The following RSPO4 variants were observed in gnomAD, a reference collection of about 807,000 sequenced individuals.
The protein encoded by RSPO4 is R-spondin 4, also known as R-spondin-4.
A neutral mutation model predicts 24.8 loss-of-function variants in RSPO4; 23 were observed. That is an observed-to-expected ratio of 0.93 (90% CI 0.67 to 1.31). RSPO4 has a LOEUF of 1.31. Among genes scored for constraint, RSPO4 ranks in the 40% most tolerant of loss-of-function variants. The pLI is 0.00. For synonymous variants in RSPO4, 141 were observed against 127.4 expected (o/e 1.11, Z -0.72); for missense variants, 333 against 316.5 (o/e 1.05, Z -0.39).
chr20:961,932 C>A (rs1009066783), intron 4 of RSPO4, among the ~76,000 whole-genome samples: 2 of 151,984 alleles, frequency 1.3e-5, no homozygotes, highest in African/African-American at 4.8e-5. Context: ...ACCTACCCAC[C>A]CACCTAATCA....
chr20:1,000,083 GGTCTC>G (rs1272681213), intron 1 of RSPO4, among the ~76,000 whole-genome samples: 1 of 151,984 alleles, frequency 6.6e-6, no homozygotes, highest in East Asian at 1.9e-4. Flanking sequence ...TAGCCAGGCT[GGTCTC>G]AAACTCCTGA....
chr20:1,001,953 T>A, intron 1 of RSPO4, 133 bp downstream of exon 1: 1 of 705,422 alleles, frequency 1.4e-6, no homozygotes, highest in Non-Finnish European at 2.4e-6. Flanking sequence ...AGGTTGAGAC[T>A]CGTCTGGAGG....
At chr20:994,690 G>C (rs1269490172) in intron 1 of RSPO4, among the ~76,000 whole-genome samples, 1 of 152,122 alleles carries the variant, frequency 6.6e-6, no homozygotes, top group Non-Finnish European at 1.5e-5. Context: ...CTGAGTAGTT[G>C]GTAGTTGGGA....
chr20:988,286 C>T (rs1383844704), intron 1 of RSPO4, among the ~76,000 whole-genome samples: 2 of 152,062 alleles, frequency 1.3e-5, no homozygotes, highest in African/African-American at 4.8e-5. Context: ...GGTTGCAAGC[C>T]GAGGAGTGTC....
At chr20:973,989 G>A (rs2122227825) in intron 1 of RSPO4, among the ~76,000 whole-genome samples, 2 of 152,248 alleles carry the variant, frequency 1.3e-5, no homozygotes, top group Admixed American at 1.3e-4. Context: ...TAACTCATTA[G>A]AAAAAGCAGT....
chr20:972,341 C>A (rs1203943778), intron 1 of RSPO4, among the ~76,000 whole-genome samples: 1 of 152,234 alleles, frequency 6.6e-6, no homozygotes, highest in Non-Finnish European at 1.5e-5. Context: ...GCTGGGATTA[C>A]AGGCCTGAGC....
intron 3 of RSPO4, among the ~76,000 whole-genome samples, chr20:964,711 T>C (rs549785840): frequency 1.2e-4 from 18 of 149,092 alleles, no homozygotes; most frequent in Middle Eastern, 3.5e-3. Flanking sequence ...CACACACACA[T>C]ATATATATAC....
At position 1,002,167 on chromosome 20, in the gene RSPO4, G is replaced by A; in HGVS notation, c.-3C>T. On this transcript the variant is annotated 5_prime_UTR_variant, in exon 1 of 5. Transcript: ENST00000217260. This position sits in a 1 kb window ranked among gnomAD's most constrained non-coding sequence, Gnocchi z 4.6. ...AGCAGGCAGAGTGGCGCCCGCATCT[G>A]GGCAGCCGGATCCGGGCTGGCGCTC... is the stretch of plus-strand genomic sequence containing the variant. 6.5e-7 allele frequency: 1 copy of A among 1,541,726 alleles called. No individual in the cohort carries two copies. Among genetic ancestry groups the A allele is most frequent in the Non-Finnish European group, 8.7e-7 (1 of 1,144,410 alleles).
At position 970,385 on chromosome 20, in the gene RSPO4, C is replaced by T. The variant is rs1600091276; in HGVS notation, c.80-2247G>A. 6.6e-6 allele frequency among the ~76,000 whole-genome samples: 1 copy of T among 152,280 alleles called. No homozygotes were observed. The highest frequency in any genetic ancestry group is 1.9e-4 in the East Asian group (1 of 5,188). The stretch of plus-strand genomic sequence containing the variant: ...GGCCCCACATCCTGCTGATAACCCT[C>T]TTTCTGTTGCTTATAACTCAGGAGG... On this transcript the variant is annotated intron_variant, in intron 1 of 4. Transcript: ENST00000217260. This position sits in a 1 kb window ranked among gnomAD's most constrained non-coding sequence, Gnocchi z 4.1.
At chr20:964,233 C>T (rs533877437) in intron 3 of RSPO4, 113 bp from the exon 4 acceptor site, 69 of 735,834 alleles carry the variant, frequency 9.4e-5, no homozygotes, top group Admixed American at 2.3e-4. Flanking sequence ...AGACTGAAGA[C>T]ACCACTTCCA....
intron 1 of RSPO4, among the ~76,000 whole-genome samples, chr20:986,210 C>T (rs1349296318): frequency 5.3e-5 from 8 of 152,170 alleles, no homozygotes; most frequent in South Asian, 2.1e-4. Context: ...ACCTGCCACA[C>T]GTGGGAGAAA....
At position 964,200 on chromosome 20, in the gene RSPO4, G is replaced by A. The variant is rs1029200431; in HGVS notation, c.410-80C>T. 5.9e-6 allele frequency: 7 copies of A among 1,177,552 alleles called. No homozygotes were observed. The African/African-American group carries it at 9.1e-5, about 15-fold the overall frequency. The allele number at this position is 1,177,552 out of a possible 1,614,324, so 72.9% of individuals were successfully genotyped here. A position where few individuals can be genotyped will look rare whatever the true frequency, so the allele number is the denominator to read the frequency against. On this transcript the variant is annotated intron_variant, in intron 3 of 4. Transcript: ENST00000217260. ...AGGGTCCTTCAGATCCAAGGGCAGG[G>A]TTTGAGGGGTTCAGTCCTCTGAAGA...
At chr20:971,783 C>A (rs768763690) in intron 1 of RSPO4, among the ~76,000 whole-genome samples, 9 of 152,174 alleles carry the variant, frequency 5.9e-5, no homozygotes, top group Non-Finnish European at 1.0e-4. Flanking sequence ...ATTTTAAATT[C>A]TTGACTGTAG....
chr20:981,119 T>G lies in RSPO4; in HGVS notation c.80-12981A>C, dbSNP rs1984721827. ...GACCAACAATTATAGGTGGTGGCAT[T>G]AGATTTAAACCCACAGCTGATGAAA... On this transcript the variant is annotated intron_variant, in intron 1 of 4. Coordinates refer to ENST00000217260, the MANE Select transcript of RSPO4 (RefSeq NM_001029871.4). The surrounding 1 kb of genome is among the most constrained non-coding windows in gnomAD (Gnocchi z 4.6). 1.3e-5 allele frequency among the ~76,000 whole-genome samples: 2 copies of G among 152,166 alleles called. No individual in the cohort carries two copies. The highest frequency in any genetic ancestry group is 4.8e-5 in the African/African-American group (2 of 41,434).
intron 1 of RSPO4, among the ~76,000 whole-genome samples, chr20:992,627 G>A (rs936857711): frequency 6.6e-6 from 1 of 152,018 alleles, no homozygotes; most frequent in African/African-American, 2.4e-5. Flanking sequence ...AACCATATGA[G>A]GTAGATGCTC....
intron 1 of RSPO4, among the ~76,000 whole-genome samples, chr20:978,147 C>G (rs1374514129): frequency 6.6e-6 from 1 of 152,166 alleles, no homozygotes; most frequent in African/African-American, 2.4e-5. Context: ...GTGGGGGGAC[C>G]AGCAGGGCAG....
intron 1 of RSPO4, among the ~76,000 whole-genome samples, chr20:984,145 G>A (rs1236496601): frequency 2.6e-5 from 4 of 152,050 alleles, no homozygotes; most frequent in Non-Finnish European, 5.9e-5. Flanking sequence ...AGACCAGCCT[G>A]ACCAAGACGG....
At chr20:964,930 C>T (rs1199746810) in intron 3 of RSPO4, among the ~76,000 whole-genome samples, 2 of 151,850 alleles carry the variant, frequency 1.3e-5, no homozygotes, top group South Asian at 2.1e-4. Flanking sequence ...GATTTGGACA[C>T]TGAGACCTAG....
intron 3 of RSPO4, among the ~76,000 whole-genome samples, chr20:964,909 C>A (rs896278390): frequency 5.9e-5 from 9 of 151,482 alleles, no homozygotes; most frequent in Non-Finnish European, 1.3e-4. Flanking sequence ...TATGAATACT[C>A]CTATTTTGTA....
Sources: gnomAD v4.1 joint callset for allele counts (sites outside exome capture counted in the v4.1 genomes callset) on GRCh38, gnomAD v4.1.1 for gene constraint, Gnocchi (gnomAD v3.1) non-coding constraint, MANE v1.5 for transcripts, NCBI Gene and HGNC (gene_info 2026-07-23, HGNC 2026-07-21) for gene names.